Variants in EXOC3L2 observed in about 807,000 individuals in gnomAD.
EXOC3L2 encodes the protein exocyst complex component 3-like protein 2.
In EXOC3L2, 17 loss-of-function variants were observed where a neutral mutation model predicts 44.4. That is an observed-to-expected ratio of 0.38 (90% CI 0.26 to 0.57). EXOC3L2 has a LOEUF of 0.57. Ranked by LOEUF, EXOC3L2 falls within the 20% of genes least tolerant of loss-of-function variation. The probability of loss-of-function intolerance (pLI) is 0.65; values close to 1 mark genes in which losing one functional copy is unlikely to be tolerated. For synonymous variants in EXOC3L2, 256 were observed against 253.7 expected (o/e 1.01, Z -0.09); for missense variants, 541 against 588.4 (o/e 0.92, Z 0.83).
At position 45,217,700 on chromosome 19, in the gene EXOC3L2, G is replaced by A. The variant is rs1317553380; in HGVS notation, c.1843-17C>T. The A allele has an allele frequency of 5.7e-6, 8 of 1,397,884 alleles. No homozygotes were observed. Among genetic ancestry groups the A allele is most frequent in the Non-Finnish European group, 6.5e-6 (7 of 1,084,524 alleles). 86.6% of individuals were successfully genotyped at this position (1,397,884 alleles called of 1,614,324 possible). ...TACCAGCGCCTGGAGGCGGAGGAGG[G>A]AAACCCGAGGGGTGTGAGCCATGCC... On this transcript the variant is annotated splice_polypyrimidine_tract_variant and intron_variant, in intron 9 of 11. Coordinates refer to ENST00000413988, the MANE Select transcript of EXOC3L2 (RefSeq NM_001382422.1).
rs1028732251 is a variant in EXOC3L2, at chr19:45,221,351, G to A, written c.1720-3032C>T. 2.0e-5 allele frequency among the ~76,000 whole-genome samples: 3 copies of A among 151,130 alleles called. No individual in the cohort carries two copies. In the Admixed American group the frequency reaches 2.0e-4, roughly 10 times the overall value. On this transcript the variant is annotated intron_variant, in intron 8 of 11. Coordinates refer to ENST00000413988, the MANE Select transcript of EXOC3L2 (RefSeq NM_001382422.1). ...GAGCCACCATGTCTAATGTGTTGCT[G>A]GGTTTTGTTTGTTTGTTTTGAGACG... is the stretch of plus-strand genomic sequence containing the variant.
At chr19:45,236,959 T>G (rs1260840420) in intron 2 of EXOC3L2, among the ~76,000 whole-genome samples, 3 of 150,190 alleles carry the variant, frequency 2.0e-5, no homozygotes, top group African/African-American at 7.4e-5. Flanking sequence ...GAGCTGAGAT[T>G]GTACCATTGC....
chr19:45,220,105 G>A (rs1426544548), intron 8 of EXOC3L2, among the ~76,000 whole-genome samples: 4 of 152,018 alleles, frequency 2.6e-5, no homozygotes, highest in Non-Finnish European at 5.9e-5. Flanking sequence ...CCTGGGAGGC[G>A]GAGGTTGCAG....
chr19:45,224,451 C>CCCCT (rs1323738705), intron 8 of EXOC3L2, among the ~76,000 whole-genome samples: 1 of 152,044 alleles, frequency 6.6e-6, no homozygotes, highest in African/African-American at 2.4e-5. Context: ...TTGCACCGAA[C>CCCCT]CCCTATAGGG....
chr19:45,216,095 C>T lies in EXOC3L2; in HGVS notation c.2098G>A (p.Val700Met), dbSNP rs1969831587. 1 of 1,613,948 alleles carries T rather than the reference C, an allele frequency of 6.2e-7. No homozygotes were observed. The highest frequency in any genetic ancestry group is 1.3e-5 in the African/African-American group (1 of 75,004). The change falls in exon 11 of 12, where the codon GTG becomes ATG. Residue 700 changes from valine to methionine, a missense_variant. Val to Met is a conservative substitution (Grantham distance 21). Transcript: ENST00000413988. ...CACCTGATGTCTGGGTAGTCGCGCA[C>T]CAACACTCCCACCTCCACCTGGATG... The part of the protein sequence containing the change: ...PSIQVEVGVL[V>M]RDYPDIRQKH...
At chr19:45,231,271 C>A (rs1006424946) in intron 4 of EXOC3L2, among the ~76,000 whole-genome samples, 1 of 151,950 alleles carries the variant, frequency 6.6e-6, no homozygotes, top group Non-Finnish European at 1.5e-5. Context: ...TTCTGCTCAG[C>A]GGTGTCTGTG....
intron 9 of EXOC3L2, 67 bp downstream of exon 9, chr19:45,218,130 C>G: frequency 8.9e-6 from 12 of 1,352,556 alleles, no homozygotes; most frequent in Non-Finnish European, 1.2e-5. Context: ...CTCTTCCCGT[C>G]CCTTTCCCCT....
Position 45,238,813 on chromosome 19 carries a change from C to T in EXOC3L2, c.233G>A (p.Gly78Asp), listed in dbSNP as rs2122991854. 2.5e-6 allele frequency: 1 copy of T among 398,904 alleles called. No homozygotes were observed. The highest frequency in any genetic ancestry group is 4.4e-6 in the Non-Finnish European group (1 of 225,950). The allele number at this position is 398,904 out of a possible 1,614,324, so 24.7% of individuals were successfully genotyped here. ...GCGGGGCTGCCCATCCCCAGGGCTG[C>T]CTGCCCGCCGGCCCGGGGCCCAGCC... ...RLGWAPGRRAGSPGDGQPRSF... is the reference protein window; with the variant it reads ...RLGWAPGRRADSPGDGQPRSF... The change falls in exon 2 of 12, where the codon GGC becomes GAC. Residue 78 changes from glycine to aspartate, a missense_variant. By Grantham distance (94) the Gly-to-Asp change is moderately conservative. Coordinates refer to ENST00000413988, the MANE Select transcript of EXOC3L2 (RefSeq NM_001382422.1). The surrounding 1 kb of genome is among the most constrained non-coding windows in gnomAD (Gnocchi z 5.5).
intron 2 of EXOC3L2, among the ~76,000 whole-genome samples, chr19:45,236,553 G>A (rs909522475): frequency 6.6e-6 from 1 of 151,542 alleles, no homozygotes. Flanking sequence ...GAACATGGAT[G>A]GAATTGAAAA....
chr19:45,222,497 A>C (rs932431780), intron 8 of EXOC3L2, among the ~76,000 whole-genome samples: 4 of 151,994 alleles, frequency 2.6e-5, no homozygotes, highest in Non-Finnish European at 1.5e-5. Flanking sequence ...CACCACGCAC[A>C]GTCTATCTCT....
rs1189584477 is a variant in EXOC3L2, at chr19:45,218,222, C to T, written c.1817G>A (p.Arg606His). 2.6e-6 allele frequency: 4 copies of T among 1,515,144 alleles called. No homozygotes were observed. Among genetic ancestry groups the T allele is most frequent in the Middle Eastern group, 2.3e-4 (1 of 4,302 alleles). The allele number at this position is 1,515,144 out of a possible 1,614,324, so 93.9% of individuals were successfully genotyped here. The change falls in exon 9 of 12, where the codon CGC becomes CAC. Residue 606 changes from arginine to histidine, a missense_variant. Coordinates refer to ENST00000413988, the MANE Select transcript of EXOC3L2 (RefSeq NM_001382422.1). ...GTLGAQALAL[R>H]RMQDEPYQAL... The stretch of plus-strand genomic sequence containing the variant: ...CTGGTAAGGCTCGTCCTGCATTCTG[C>T]GCAGGGCCAGGGCCTGGGCACCCAG...
intron 8 of EXOC3L2, among the ~76,000 whole-genome samples, chr19:45,223,465 C>T (rs553047141): frequency 7.2e-5 from 11 of 152,024 alleles, no homozygotes; most frequent in Admixed American, 7.2e-4. Flanking sequence ...GCCTCAGCCT[C>T]CAGAGTAGCT....
chr19:45,237,579 T>C (rs1970094916), intron 2 of EXOC3L2, among the ~76,000 whole-genome samples: 1 of 152,064 alleles, frequency 6.6e-6, no homozygotes, highest in Non-Finnish European at 1.5e-5. Context: ...AGATAGAGAC[T>C]GATGGTGGGC....
chr19:45,214,374 G>A (rs976765392), intron 11 of EXOC3L2, among the ~76,000 whole-genome samples: 153 of 152,266 alleles, frequency 1.0e-3, no homozygotes, highest in African/African-American at 3.5e-3. Context: ...GCGTTGCTCC[G>A]GCAGCCACCA....
In EXOC3L2 at chr19:45,231,798, G is replaced by C; in HGVS notation, c.1234C>G (p.Arg412Gly). ...GTGACGCATTCATCCTCCAAACCCCGCAGGGTGCCAGGGGAGAGAAGGGGC... is the reference window on the plus strand; with the variant it reads ...GTGACGCATTCATCCTCCAAACCCCCCAGGGTGCCAGGGGAGAGAAGGGGC... The part of the protein sequence containing the change: ...LGPLLSPGTL[R>G]GLEDECVTDV... Residue 412 changes from arginine to glycine, a missense_variant, in exon 4 of 12, where the codon CGG becomes GGG. Arg to Gly is a moderately radical substitution (Grantham distance 125, BLOSUM62 -2). Coordinates refer to ENST00000413988, the MANE Select transcript of EXOC3L2 (RefSeq NM_001382422.1). The C allele has an allele frequency of 6.2e-7, 1 of 1,610,434 alleles. No homozygotes were observed. The highest frequency in any genetic ancestry group is 8.5e-7 in the Non-Finnish European group (1 of 1,177,234).
rs538391435 is a variant in EXOC3L2, at chr19:45,228,047, G to A, written c.1399C>T (p.Pro467Ser). 898 of 1,614,128 alleles carry A rather than the reference G, an allele frequency of 5.6e-4. 10 individuals carry two copies. In the South Asian group the frequency reaches 9.3e-3, roughly 17 times the overall value. The change falls in exon 6 of 12, where the codon CCC becomes TCC. Residue 467 changes from proline (P) to serine (S), a missense_variant. Pro to Ser is a moderately conservative substitution (Grantham distance 74). Coordinates refer to ENST00000413988, the MANE Select transcript of EXOC3L2 (RefSeq NM_001382422.1). ...ELLEEHTERA[P>S]RISQEFGERM... ...TCCCCAAACTCCTGGCTGATGCGGG[G>A]TGCTCGCTCTGTGTGCTCTTCCAGC...
chr19:45,217,438 C>G, intron 10 of EXOC3L2, 90 bp downstream of exon 10: 1 of 1,398,676 alleles, frequency 7.1e-7, no homozygotes, highest in Non-Finnish European at 9.3e-7. Context: ...AGCTCTGCCC[C>G]TCTCCCCCTG....
intron 10 of EXOC3L2, among the ~76,000 whole-genome samples, chr19:45,217,252 A>T (rs1969845072): frequency 6.6e-6 from 1 of 152,214 alleles, no homozygotes; most frequent in Non-Finnish European, 1.5e-5. Flanking sequence ...AACAGGAATT[A>T]ACCAATCTGA....
intron 8 of EXOC3L2, among the ~76,000 whole-genome samples, 194 bp downstream of exon 8, chr19:45,224,584 G>C (rs1439277426): frequency 2.0e-5 from 3 of 152,128 alleles, no homozygotes; most frequent in African/African-American, 7.2e-5. Flanking sequence ...CCTGCTGATG[G>C]CCCTCTGTTA....
Sources: gnomAD v4.1 joint callset for allele counts (sites outside exome capture counted in the v4.1 genomes callset) on GRCh38, gnomAD v4.1.1 for gene constraint, Gnocchi (gnomAD v3.1) non-coding constraint, MANE v1.5 for transcripts, NCBI Gene and HGNC (gene_info 2026-07-23, HGNC 2026-07-21) for gene names.